Variants in CEP83 observed in about 807,000 individuals in gnomAD.
CEP83 encodes centrosomal protein of 83 kDa.
CEP83 carries 70 observed loss-of-function variants against 101.9 expected under a neutral mutation model. That is an observed-to-expected ratio of 0.69 (90% CI 0.57 to 0.84). CEP83 has a LOEUF of 0.84. Ranked by LOEUF, CEP83 falls within the 40% of genes least tolerant of loss-of-function variation. The probability of loss-of-function intolerance (pLI) is 0.00; values close to 1 mark genes in which losing one functional copy is unlikely to be tolerated. For synonymous variants in CEP83, 264 were observed against 267.9 expected (o/e 0.99, Z 0.14); for missense variants, 715 against 787.2 (o/e 0.91, Z 1.10).
rs544237841 is a variant in CEP83 at position 94,424,945 on chromosome 12, C to A, written c.-102+10330G>T. On this transcript the variant is annotated intron_variant, in intron 2 of 16. Coordinates refer to ENST00000397809, the MANE Select transcript of CEP83 (RefSeq NM_016122.3). ...TGTAGCCAAAAGTAGAAATCCCGGG[C>A]CTGGAAGTCACGGATAGCAGCATTT... The A allele has an allele frequency of 1.0e-4, 164 of 1,583,822 alleles. No individual in the cohort carries two copies. In the African/African-American group the frequency reaches 1.9e-3, roughly 18 times the overall value.
At chr12:94,280,805 A>G in the CEP83 span, among the ~76,000 whole-genome samples, 1 of 152,312 alleles carries the variant, frequency 6.6e-6, no homozygotes, top group African/African-American at 2.4e-5. Context: ...GCCGCTGATG[A>G]GTAGGTAGTA....
At chr12:94,384,291 T>G (rs1170696834) in intron 6 of CEP83, among the ~76,000 whole-genome samples, 3 of 152,196 alleles carry the variant, frequency 2.0e-5, no homozygotes, top group Non-Finnish European at 2.9e-5. Context: ...TGATTTCTGA[T>G]GAGAAATGAG....
chr12:94,441,680 C>T (rs1390842718), intron 1 of CEP83, among the ~76,000 whole-genome samples: 1 of 152,108 alleles, frequency 6.6e-6, no homozygotes, highest in East Asian at 1.9e-4. Context: ...CTTTGGGAGG[C>T]CGAGGCGGGT....
At chr12:94,447,988 AATGAACTAAACACTCTATTC>A (rs759764139) in intron 1 of CEP83, among the ~76,000 whole-genome samples, 4 of 152,214 alleles carry the variant, frequency 2.6e-5, no homozygotes, top group Non-Finnish European at 5.9e-5. Flanking sequence ...ATTACATGTG[AATGAACTAAACACTCTATTC>A]AAAGGGGGGA....
intron 11 of CEP83, among the ~76,000 whole-genome samples, chr12:94,362,411 A>G (rs563542342): frequency 2.6e-5 from 4 of 152,114 alleles, no homozygotes; most frequent in Admixed American, 2.0e-4. Context: ...CTTGAGGTCA[A>G]GAGTTGGAGA....
chr12:94,333,254 C>T (rs2059312955), intron 13 of CEP83, among the ~76,000 whole-genome samples: 1 of 151,958 alleles, frequency 6.6e-6, no homozygotes, highest in Admixed American at 6.6e-5. Context: ...GAATACTATA[C>T]TGTCAGAATT....
At chr12:94,430,091 C>G (rs2065508273) in intron 2 of CEP83, among the ~76,000 whole-genome samples, 1 of 152,042 alleles carries the variant, frequency 6.6e-6, no homozygotes, top group African/African-American at 2.4e-5. Context: ...CCTCACCCAC[C>G]CCCCATGCCA....
intron 6 of CEP83, among the ~76,000 whole-genome samples, chr12:94,380,389 T>C (rs965519824): frequency 6.6e-6 from 1 of 152,190 alleles, no homozygotes; most frequent in African/African-American, 2.4e-5. Context: ...TTGCAGAGAA[T>C]AAAATTTATC....
At chr12:94,280,864 A>G in the CEP83 span, among the ~76,000 whole-genome samples, 1 of 152,188 alleles carries the variant, frequency 6.6e-6, no homozygotes, top group African/African-American at 2.4e-5. Flanking sequence ...CTCCTAAAGT[A>G]GGAAGGCAAG....
downstream of CEP83, chr12:94,304,035 T>C (rs1342983582): frequency 3.2e-6 from 5 of 1,553,186 alleles, no homozygotes; most frequent in Middle Eastern, 1.7e-4. Context: ...AAATACATCG[T>C]AAAATATTTT....
At chr12:94,396,548 C>A (rs61143362) in intron 6 of CEP83, among the ~76,000 whole-genome samples, 39,779 of 151,748 alleles carry the variant, frequency 0.26, 5,326 homozygotes, top group Admixed American at 0.31. Context: ...TCAGCCTCCC[C>A]AAGTGCTGGG....
chr12:94,443,468 G>T (rs1472324138), intron 1 of CEP83, among the ~76,000 whole-genome samples: 1 of 151,854 alleles, frequency 6.6e-6, no homozygotes. Flanking sequence ...CCTTCCTTGT[G>T]CTTGCCCCAG....
chr12:94,303,807 G>C (rs746130238), downstream of CEP83: 1 of 1,514,450 alleles, frequency 6.6e-7, no homozygotes, highest in Non-Finnish European at 8.9e-7. Context: ...AACCTACAAA[G>C]AAGAAGTAAA....
intron 11 of CEP83, among the ~76,000 whole-genome samples, chr12:94,337,378 G>C (rs1434816270): frequency 6.6e-6 from 1 of 152,124 alleles, no homozygotes; most frequent in Non-Finnish European, 1.5e-5. Flanking sequence ...AAGCAGTACT[G>C]GGTTAGAATC....
In CEP83 at chr12:94,365,688, C is replaced by G. The variant is rs551487919; in HGVS notation, c.1343+2106G>C. Among the ~76,000 whole-genome samples the G allele has an allele frequency of 4.6e-5, 7 of 151,320 alleles. No homozygotes were observed. In the South Asian group the frequency reaches 1.3e-3, roughly 27 times the overall value. On this transcript the variant is annotated intron_variant, in intron 11 of 16. Transcript: ENST00000397809. ...AGGAGGCAGGAGAATCACTTGAATC[C>G]CAGAGGCAGAGGCGGAGGCTGCAGT... is the stretch of plus-strand genomic sequence containing the variant.
chr12:94,331,289 G>GAAAAA (rs568464808), intron 14 of CEP83, among the ~76,000 whole-genome samples: 10 of 43,808 alleles, frequency 2.3e-4, no homozygotes, highest in African/African-American at 9.1e-4. Context: ...CAGACTCTCA[G>GAAAAA]AAAAAAAAAA....
At chr12:94,421,181 T>C (rs1488249388) in intron 2 of CEP83, among the ~76,000 whole-genome samples, 3 of 152,072 alleles carry the variant, frequency 2.0e-5, no homozygotes, top group East Asian at 1.9e-4. Flanking sequence ...TACAGGCACA[T>C]GTCATTAGGC....
In CEP83 at chr12:94,413,536, T is replaced by G. The variant is rs896165857; in HGVS notation, c.-101-945A>C. 2.0e-5 allele frequency among the ~76,000 whole-genome samples: 3 copies of G among 152,312 alleles called. No individual in the cohort carries two copies. The South Asian group carries it at 6.2e-4, about 32-fold the overall frequency. ...AGCAAGTAACTATGCCTATGATTAA[T>G]GCTTTGAAGGGTCTTTTACTTGACA... On this transcript the variant is annotated intron_variant, in intron 2 of 16. Coordinates refer to ENST00000397809, the MANE Select transcript of CEP83 (RefSeq NM_016122.3).
chr12:94,424,644 C>T, intron 2 of CEP83: 1 of 1,613,744 alleles, frequency 6.2e-7, no homozygotes, highest in Non-Finnish European at 8.5e-7. Context: ...TTCTGTGCTG[C>T]TGAAGGGCTG....
Sources: allele counts gnomAD v4.1 joint callset (sites outside exome capture counted in the v4.1 genomes callset), GRCh38; gene constraint gnomAD v4.1.1; transcripts MANE v1.5; gene names NCBI Gene and HGNC (gene_info 2026-07-23, HGNC 2026-07-21).